Variants in CLASP2 observed in about 807,000 individuals in gnomAD.
The protein encoded by CLASP2 is CLIP-associating protein 2.
In CLASP2, 47 loss-of-function variants were observed where a neutral mutation model predicts 194.4. That is an observed-to-expected ratio of 0.24 (90% CI 0.19 to 0.31). The LOEUF is 0.31. Among genes scored for constraint, CLASP2 ranks in the 10% least tolerant of loss-of-function variants. CLASP2 has a pLI of 1.00. For synonymous variants in CLASP2, 619 were observed against 633.5 expected, an observed-to-expected ratio of 0.98 and a Z score of 0.34; for missense variants, 1,445 against 1,823.6, an observed-to-expected ratio of 0.79 and a Z score of 3.78.
In CLASP2 at chr3:33,496,598, G is replaced by C. The variant is rs2045814932; in HGVS notation, c.*2033C>G. The stretch of plus-strand genomic sequence containing the variant: ...TTTCTTGAGTGCCTGCCTGCCATTA[G>C]ATGCCAGGTGCTTATCTAATTTTCC... On this transcript the variant is annotated 3_prime_UTR_variant, in exon 39 of 39. Transcript: ENST00000682230. 6.6e-6 allele frequency: 1 copy of C among 152,154 alleles called. No individual in the cohort carries two copies. The highest frequency in any genetic ancestry group is 6.5e-5 in the Admixed American group (1 of 15,274). The allele number at this position is 152,154 out of a possible 1,614,324, so 9.4% of individuals were successfully genotyped here.
chr3:33,663,236 C>T (rs1271078717), intron 7 of CLASP2, among the ~76,000 whole-genome samples: 1 of 144,306 alleles, frequency 6.9e-6, no homozygotes, highest in Non-Finnish European at 1.5e-5. Flanking sequence ...TCATTTTACA[C>T]AACTGACTCA....
chr3:33,595,828 A>G (rs2070170772), intron 19 of CLASP2, among the ~76,000 whole-genome samples: 1 of 152,010 alleles, frequency 6.6e-6, no homozygotes, highest in Non-Finnish European at 1.5e-5. Context: ...ATTTCATTCA[A>G]TATTTTATTA....
intron 2 of CLASP2, among the ~76,000 whole-genome samples, chr3:33,691,547 GTC>G (rs2091352590): frequency 6.6e-6 from 1 of 152,136 alleles, no homozygotes; most frequent in Non-Finnish European, 1.5e-5. Flanking sequence ...AGAATCATAA[GTC>G]TAATTATGAG....
chr3:33,664,067 TCTG>T (rs1158634743), intron 6 of CLASP2, among the ~76,000 whole-genome samples: 5 of 152,210 alleles, frequency 3.3e-5, no homozygotes, highest in Non-Finnish European at 7.4e-5. Flanking sequence ...TTTCTGCACT[TCTG>T]CTATCACTTT....
intron 32 of CLASP2, among the ~76,000 whole-genome samples, chr3:33,540,892 C>T (rs2058242674): frequency 6.6e-6 from 1 of 151,670 alleles, no homozygotes; most frequent in South Asian, 2.1e-4. Flanking sequence ...CCTGCCTCAT[C>T]CTCCTGAGTA....
chr3:33,693,545 T>C (rs143756734), intron 2 of CLASP2, among the ~76,000 whole-genome samples: 11 of 152,270 alleles, frequency 7.2e-5, no homozygotes, highest in East Asian at 5.8e-4. Context: ...TAAGAGCACA[T>C]AGGTATGCTG....
intron 8 of CLASP2, among the ~76,000 whole-genome samples, chr3:33,642,550 A>G (rs1461643701): frequency 6.6e-6 from 1 of 151,940 alleles, no homozygotes; most frequent in African/African-American, 2.4e-5. Flanking sequence ...TTTAATTCAG[A>G]GCAGATAGTA....
chr3:33,538,945 A>G lies in CLASP2; in HGVS notation c.3405-3T>C. 6.4e-7 allele frequency: 1 copy of G among 1,554,938 alleles called. No homozygotes were observed. The highest frequency in any genetic ancestry group is 8.7e-7 in the Non-Finnish European group (1 of 1,153,446). ...TTTCTGTGTCATAATCAAATGCACT[A>G]TGAAAAAGACGACACTAATTTTTAC... On this transcript the variant is annotated splice_polypyrimidine_tract_variant and splice_region_variant and intron_variant, in intron 32 of 38. Coordinates refer to ENST00000682230, the MANE Select transcript of CLASP2 (RefSeq NM_001365631.1).
chr3:33,624,124 G>A (rs916294996), intron 10 of CLASP2, among the ~76,000 whole-genome samples: 3 of 152,088 alleles, frequency 2.0e-5, no homozygotes, highest in African/African-American at 7.2e-5. Context: ...GATAAAAAGA[G>A]ATACACACAC....
Position 33,573,305 on chromosome 3 carries a change from T to C in CLASP2, c.2504A>G (p.Asp835Gly). 6.2e-7 allele frequency: 1 copy of C among 1,613,902 alleles called. No homozygotes were observed. The highest frequency in any genetic ancestry group is 8.5e-7 in the Non-Finnish European group (1 of 1,179,790). ...ACTAGATGCATCGCTGTTGGCGTCA[T>C]CATCTGAATGCATTCCATATGATTC... ...RYESYGMHSD[D>G]DANSDASSAC... Residue 835 changes from aspartate (D) to glycine (G), a missense_variant, in exon 25 of 39, where the codon GAT (aspartate) becomes GGT (glycine). Around this residue, in one of 4 missense-constraint regions of CLASP2, gnomAD observed 732 missense variants for 987.9 expected, o/e 0.74. Transcript: ENST00000682230.
chr3:33,686,734 C>T (rs1003064355), intron 5 of CLASP2, among the ~76,000 whole-genome samples: 2 of 152,182 alleles, frequency 1.3e-5, no homozygotes, highest in Non-Finnish European at 2.9e-5. Flanking sequence ...CCAAAGGAAG[C>T]TGACAATCTG....
At chr3:33,677,058 G>A (rs1175449981) in intron 6 of CLASP2, among the ~76,000 whole-genome samples, 4 of 151,852 alleles carry the variant, frequency 2.6e-5, no homozygotes, top group African/African-American at 9.7e-5. Context: ...GAAACAACAG[G>A]TGCTGGAGAG....
At chr3:33,695,612 T>A (rs2091809908) in intron 2 of CLASP2, among the ~76,000 whole-genome samples, 1 of 152,052 alleles carries the variant, frequency 6.6e-6, no homozygotes, top group Non-Finnish European at 1.5e-5. Context: ...TGTGATGATA[T>A]ACTGATATTA....
At chr3:33,542,585 G>A (rs915386188) in intron 32 of CLASP2, among the ~76,000 whole-genome samples, 10 of 149,674 alleles carry the variant, frequency 6.7e-5, no homozygotes, top group Admixed American at 5.3e-4. Context: ...GAAAACCATA[G>A]TATGACCTAA....
rs796439824 is a variant in CLASP2, at chr3:33,543,020, A to G, written c.3404+413T>C. ...TCATTTGCTAAGTTTCTACTTTTCT[A>G]AGACCTTTCAAGTCAAGTGGGAACT... On this transcript the variant is annotated intron_variant, in intron 32 of 38. Coordinates refer to ENST00000682230, the MANE Select transcript of CLASP2 (RefSeq NM_001365631.1). Among the ~76,000 whole-genome samples, 35 of 152,274 alleles carry G rather than the reference A, an allele frequency of 2.3e-4. 1 individual carries two copies. The highest frequency in any genetic ancestry group is 7.7e-4 in the African/African-American group (32 of 41,562).
At chr3:33,717,570 G>A (rs1245528373) in intron 1 of CLASP2, among the ~76,000 whole-genome samples, 1 of 152,128 alleles carries the variant, frequency 6.6e-6, no homozygotes, top group Non-Finnish European at 1.5e-5. Context: ...GGGATTACAG[G>A]CGCCCGCCAC....
At chr3:33,709,628 A>G (rs1180763178) in intron 1 of CLASP2, among the ~76,000 whole-genome samples, 3 of 151,966 alleles carry the variant, frequency 2.0e-5, no homozygotes, top group African/African-American at 7.3e-5. Flanking sequence ...ATCCCCTAGA[A>G]GCTGGAAAAT....
chr3:33,698,467 C>T (rs942117069), intron 1 of CLASP2, among the ~76,000 whole-genome samples: 3 of 152,108 alleles, frequency 2.0e-5, no homozygotes, highest in African/African-American at 4.8e-5. Flanking sequence ...TTTCCCCCAA[C>T]CAGACCAGCA....
At chr3:33,524,234 G>A (rs2053895892) in intron 34 of CLASP2, among the ~76,000 whole-genome samples, 1 of 151,990 alleles carries the variant, frequency 6.6e-6, no homozygotes, top group African/African-American at 2.4e-5. Flanking sequence ...AATAGTAATA[G>A]TAATAGGTAT....
Sources: gnomAD v4.1 joint callset for allele counts (sites outside exome capture counted in the v4.1 genomes callset) on GRCh38, gnomAD v4.1.1 for gene constraint, gnomAD v4.1.1 regional missense constraint, MANE v1.5 for transcripts, NCBI Gene and HGNC (gene_info 2026-07-23, HGNC 2026-07-21) for gene names.